The following CTNNA2 variants were observed in gnomAD, a reference collection of about 807,000 sequenced individuals.
CTNNA2 encodes the protein catenin alpha 2, also known as catenin alpha-2.
In CTNNA2, 42 loss-of-function variants were observed where a neutral mutation model predicts 101.0. That is an observed-to-expected ratio of 0.42 (90% CI 0.32 to 0.54). The LOEUF is 0.54. Ranked by LOEUF, CTNNA2 falls within the 20% of genes least tolerant of loss-of-function variation. The pLI, the probability that CTNNA2 is intolerant of heterozygous loss-of-function variation, is 0.14. For missense variants in CTNNA2, 871 were observed against 1,223.1 expected (o/e 0.71, Z 4.29); for synonymous variants, 450 against 456.4 (o/e 0.99, Z 0.18).
At chr2:80,020,993 C>CTT (rs869061321) in intron 7 of CTNNA2, among the ~76,000 whole-genome samples, 2,989 of 89,354 alleles carry the variant, frequency 0.033, 334 homozygotes, top group African/African-American at 0.089. Context: ...GACCAATCAT[C>CTT]TTTTTTTTTT....
intron 1 of CTNNA2, among the ~76,000 whole-genome samples, chr2:79,575,825 A>G (rs1675760169): frequency 6.6e-6 from 1 of 152,212 alleles, no homozygotes; most frequent in Admixed American, 6.5e-5. Context: ...TATCTGTTGT[A>G]GAGAAATTGA....
In CTNNA2 at chr2:80,008,033, C is replaced by G. The variant is rs77856491; in HGVS notation, c.1056+98236C>G. Reference sequence around the variant, plus strand: ...AATGCTTTATGAACTGTAAAATTCTCTAGAACTCTAAGGAATGGTTATGAT... The same window carrying G: ...AATGCTTTATGAACTGTAAAATTCTGTAGAACTCTAAGGAATGGTTATGAT... On this transcript the variant is annotated intron_variant, in intron 7 of 18. Transcript: ENST00000402739. Among the ~76,000 whole-genome samples, 837 of 152,280 alleles carry G rather than the reference C, an allele frequency of 5.5e-3. 7 individuals are homozygous for G. Among genetic ancestry groups the G allele is most frequent in the African/African-American group, 0.019 (782 of 41,552 alleles).
chr2:79,452,616 A>G lies in CTNNA2; in HGVS notation c.-134-52438A>G, dbSNP rs552332413. 9.2e-5 allele frequency among the ~76,000 whole-genome samples: 14 copies of G among 152,126 alleles called. No homozygotes were observed. In the South Asian group the frequency reaches 2.5e-3, roughly 27 times the overall value. ...AACAAATTTTGGAAAAGCACACATC[A>G]TCATGGTCATTTACTTCAGCCATTT... On this transcript the variant is annotated intron_variant, in intron 4 of 21. Transcript: ENST00000466387.
In CTNNA2 at chr2:80,647,876, G is replaced by T. The variant is rs375801955; in HGVS notation, c.*4G>T. On this transcript the variant is annotated 3_prime_UTR_variant, in exon 19 of 19. Coordinates refer to ENST00000402739, the MANE Select transcript of CTNNA2 (RefSeq NM_001282597.3). ...CAAAGCAATGGATTCCTTCTAGGAC[G>T]ATAGGTTTTAACAAGAAAGCTTTTT... The T allele has an allele frequency of 1.3e-6, 2 of 1,561,974 alleles. No individual in the cohort carries two copies. Among genetic ancestry groups the T allele is most frequent in the Non-Finnish European group, 1.7e-6 (2 of 1,155,080 alleles).
chr2:79,652,236 TG>T (rs1427427754), intron 2 of CTNNA2, among the ~76,000 whole-genome samples: 1 of 117,392 alleles, frequency 8.5e-6, no homozygotes, highest in Non-Finnish European at 1.6e-5. Flanking sequence ...TCCTGGGATG[TG>T]ATTTTTTTTT....
chr2:79,914,060 G>A (rs567582748), intron 7 of CTNNA2, among the ~76,000 whole-genome samples: 2 of 150,232 alleles, frequency 1.3e-5, no homozygotes, highest in African/African-American at 2.4e-5. Context: ...CCAGCTACTC[G>A]GGAGGCTGAG....
At chr2:79,935,602 C>A (rs554323625) in intron 7 of CTNNA2, among the ~76,000 whole-genome samples, 2 of 152,220 alleles carry the variant, frequency 1.3e-5, no homozygotes, top group African/African-American at 4.8e-5. Flanking sequence ...TAGTGAAATT[C>A]TACATTTCAA....
intron 7 of CTNNA2, among the ~76,000 whole-genome samples, chr2:80,126,556 C>T (rs956914061): frequency 6.8e-6 from 1 of 147,926 alleles, no homozygotes; most frequent in African/African-American, 2.5e-5. Context: ...TTTATTCTCT[C>T]CTCCATCCAT....
chr2:80,580,880 A>G (rs895913918), intron 13 of CTNNA2, among the ~76,000 whole-genome samples: 2 of 151,996 alleles, frequency 1.3e-5, no homozygotes, highest in Admixed American at 6.6e-5. Context: ...GCCAAGCATG[A>G]TGGTGTACAC....
rs192576041 is a variant in CTNNA2 at position 79,216,156 on chromosome 2, C to T, written c.-406+18080C>T. Among the ~76,000 whole-genome samples, 429 of 152,138 alleles carry T rather than the reference C, an allele frequency of 2.8e-3. 3 individuals carry two copies. The highest frequency in any genetic ancestry group is 5.0e-3 in the Non-Finnish European group (342 of 68,024). ...AGTGCCATTTTCTGGCTATTTGGAA[C>T]GGCTGTCAAGTTTGTATTGGGGTCA... On this transcript the variant is annotated intron_variant, in intron 2 of 21. Coordinates refer to the CTNNA2 transcript ENST00000466387.
intron 13 of CTNNA2, among the ~76,000 whole-genome samples, chr2:80,574,740 T>C (rs539300352): frequency 6.6e-6 from 1 of 152,330 alleles, no homozygotes; most frequent in South Asian, 2.1e-4. Context: ...AAGTGATACA[T>C]AATTACATTC....
chr2:79,197,173 T>C (rs1572974063), intron 1 of CTNNA2, among the ~76,000 whole-genome samples: 1 of 152,296 alleles, frequency 6.6e-6, no homozygotes, highest in East Asian at 1.9e-4. Flanking sequence ...TGGAAATAAA[T>C]AAAGAGCACC....
intron 4 of CTNNA2, among the ~76,000 whole-genome samples, chr2:79,504,806 G>T (rs1163576371): frequency 6.6e-6 from 1 of 152,164 alleles, no homozygotes; most frequent in Non-Finnish European, 1.5e-5. Context: ...AGTGAAAAGG[G>T]TGTATATGGA....
chr2:79,339,087 T>C (rs1677071236), intron 3 of CTNNA2, among the ~76,000 whole-genome samples: 1 of 152,100 alleles, frequency 6.6e-6, no homozygotes, highest in Admixed American at 6.6e-5. Flanking sequence ...CGTGGAGAAG[T>C]TGCCCAAAGC....
chr2:79,797,294 C>T (rs1022171825), intron 3 of CTNNA2, among the ~76,000 whole-genome samples: 6 of 152,028 alleles, frequency 3.9e-5, no homozygotes, highest in Non-Finnish European at 1.5e-5. Context: ...CATGCAGGCC[C>T]AGGTGGTCAT....
chr2:79,288,716 A>T (rs1675698224), intron 2 of CTNNA2, among the ~76,000 whole-genome samples: 1 of 152,180 alleles, frequency 6.6e-6, no homozygotes. Context: ...AGAGGTTGCC[A>T]GTCTCTTACA....
chr2:79,225,747 G>T (rs1435402777), intron 2 of CTNNA2, among the ~76,000 whole-genome samples: 1 of 152,190 alleles, frequency 6.6e-6, no homozygotes, highest in African/African-American at 2.4e-5. Context: ...TAGCCAGAAT[G>T]AGGTACTATG....
At chr2:79,642,736 C>T (rs1027399114) in intron 1 of CTNNA2, among the ~76,000 whole-genome samples, 3 of 151,466 alleles carry the variant, frequency 2.0e-5, no homozygotes, top group South Asian at 4.2e-4. Context: ...ATGCCTTTTA[C>T]TCTCTAGGGC....
chr2:80,312,520 A>T (rs1677687778), intron 7 of CTNNA2, among the ~76,000 whole-genome samples: 1 of 152,238 alleles, frequency 6.6e-6, no homozygotes, highest in Non-Finnish European at 1.5e-5. Flanking sequence ...GACTAGTGGG[A>T]AAGTTGTTTA....
Sources: allele counts gnomAD v4.1 joint callset (sites outside exome capture counted in the v4.1 genomes callset), GRCh38; gene constraint gnomAD v4.1.1; transcripts MANE v1.5; gene names NCBI Gene and HGNC (gene_info 2026-07-23, HGNC 2026-07-21).